SYTL2: variants seen among roughly 807,000 people sequenced by gnomAD.
The protein encoded by SYTL2 is synaptotagmin like 2.
In SYTL2, 165 loss-of-function variants were observed where a neutral mutation model predicts 198.7. The ratio of observed to expected loss-of-function variants is 0.83; its 90% CI spans 0.73 to 0.94. The LOEUF (loss-of-function observed/expected upper bound fraction) is 0.94, where lower values mean the gene tolerates loss of function less well. Ranked by LOEUF, SYTL2 falls within the 40% of genes least tolerant of loss-of-function variation. The pLI is 0.00. For synonymous variants in SYTL2, 966 were observed against 917.7 expected (o/e 1.05, Z -0.95); for missense variants, 2,835 against 2,582.8 (o/e 1.10, Z -2.12).
Position 85,706,462 on chromosome 11 carries a change from CA to C in SYTL2, c.6018+966del, listed in dbSNP as rs915844978. 2.0e-5 allele frequency among the ~76,000 whole-genome samples: 3 copies of C among 152,290 alleles called. No homozygotes were observed. The East Asian group carries it at 5.8e-4, about 29-fold the overall frequency. ...AAAGCAAGATTACTGAGGCAGCAGACAGCAGGAGAACTTAGGGGTTAAGCAC... is the reference window on the plus strand; with the variant it reads ...AAAGCAAGATTACTGAGGCAGCAGACGCAGGAGAACTTAGGGGTTAAGCAC... On this transcript the variant is annotated intron_variant, in intron 15 of 19. Coordinates refer to ENST00000359152, the MANE Select transcript of SYTL2 (RefSeq NM_206927.4).
rs1238460838 is a variant in SYTL2, at chr11:85,755,922, A to G, written c.101+1703T>C. Among the ~76,000 whole-genome samples the G allele has an allele frequency of 2.6e-5, 4 of 152,146 alleles. No homozygotes were observed. The East Asian group carries it at 7.7e-4, about 29-fold the overall frequency. ...TGCAGGGGCCCACATCCTGAGGTAG[A>G]AAGAGAGACTCAGTGCAGTCCCAGC... On this transcript the variant is annotated intron_variant, in intron 2 of 19. Coordinates refer to ENST00000359152, the MANE Select transcript of SYTL2 (RefSeq NM_206927.4).
intron 18 of SYTL2, among the ~76,000 whole-genome samples, chr11:85,697,320 G>A (rs752904509): frequency 4.6e-5 from 7 of 152,124 alleles, no homozygotes; most frequent in African/African-American, 1.4e-4. Context: ...AATTATAGGC[G>A]TGAGACACCT....
At chr11:85,827,394 C>T in the SYTL2 span, among the ~76,000 whole-genome samples, 1 of 152,198 alleles carries the variant, frequency 6.6e-6, no homozygotes, top group African/African-American at 2.4e-5. Flanking sequence ...CACCAGCTCA[C>T]CTCACTACCC....
upstream of SYTL2, among the ~76,000 whole-genome samples, chr11:85,811,849 C>T (rs1284709905): frequency 6.6e-6 from 1 of 152,104 alleles, no homozygotes; most frequent in African/African-American, 2.4e-5. Context: ...ACCTGTAATC[C>T]CAGCATTATG....
At chr11:85,714,278 T>A in intron 12 of SYTL2, 135 bp downstream of exon 12, 2 of 661,464 alleles carry the variant, frequency 3.0e-6, no homozygotes, top group South Asian at 3.8e-5. Flanking sequence ...ACTACTTCTA[T>A]TGACTTGAAA....
At chr11:85,811,984 G>A (rs1368546530), upstream of SYTL2, among the ~76,000 whole-genome samples, 1 of 152,168 alleles carries the variant, frequency 6.6e-6, no homozygotes, top group Non-Finnish European at 1.5e-5. Flanking sequence ...GCGAGCGCCC[G>A]TAGTCCCAAC....
At chr11:85,735,304 A>G (rs1361899189) in intron 6 of SYTL2, among the ~76,000 whole-genome samples, 1 of 152,184 alleles carries the variant, frequency 6.6e-6, no homozygotes, top group Admixed American at 6.5e-5. Flanking sequence ...TTTTACACCC[A>G]ATACAGAAAG....
chr11:85,761,568 C>G (rs2153560138), intron 1 of SYTL2, among the ~76,000 whole-genome samples: 1 of 152,282 alleles, frequency 6.6e-6, no homozygotes, highest in East Asian at 1.9e-4. Context: ...TTAAAGAAAG[C>G]CAGACAAAAA....
chr11:85,832,979 C>G, the SYTL2 span, among the ~76,000 whole-genome samples: 2 of 136,532 alleles, frequency 1.5e-5, no homozygotes, highest in Non-Finnish European at 3.1e-5. Flanking sequence ...CTGGCCAACA[C>G]AGGGAGACCC....
intron 19 of SYTL2, 35 bp downstream of exon 19, chr11:85,696,148 G>T: frequency 6.3e-7 from 1 of 1,584,328 alleles, no homozygotes; most frequent in Non-Finnish European, 8.7e-7. Context: ...AGAAAAATTT[G>T]GCTCATGGAG....
At chr11:85,747,124 A>G (rs1565974742) in intron 3 of SYTL2, among the ~76,000 whole-genome samples, 1 of 152,240 alleles carries the variant, frequency 6.6e-6, no homozygotes, top group Non-Finnish European at 1.5e-5. Context: ...ACCAGTAAGT[A>G]TTTAATGAAC....
At chr11:85,799,657 C>T (rs2092855299) in intron 1 of SYTL2, among the ~76,000 whole-genome samples, 1 of 152,284 alleles carries the variant, frequency 6.6e-6, no homozygotes, top group African/African-American at 2.4e-5. Flanking sequence ...GCCTTTTGAC[C>T]TTCTGATTCT....
At chr11:85,718,938 A>C in intron 9 of SYTL2, 95 bp from the exon 10 acceptor site, 3 of 1,557,682 alleles carry the variant, frequency 1.9e-6, no homozygotes, top group Non-Finnish European at 1.7e-6. Flanking sequence ...AGTTGGAAGC[A>C]ATTAGTCAAG....
At chr11:85,746,054 TC>T (rs758244479) in intron 3 of SYTL2, among the ~76,000 whole-genome samples, 1 of 152,158 alleles carries the variant, frequency 6.6e-6, no homozygotes, top group African/African-American at 2.4e-5. Flanking sequence ...TCTGACTGCC[TC>T]TAGGTTAATC....
the SYTL2 span, chr11:85,852,862 G>A: frequency 4.2e-6 from 1 of 235,750 alleles, no homozygotes; most frequent in Non-Finnish European, 8.5e-6. Flanking sequence ...GAGCCCCTCT[G>A]CCCGCCTGCC....
chr11:85,702,485 C>T (rs1260376810), intron 16 of SYTL2, among the ~76,000 whole-genome samples: 1 of 152,082 alleles, frequency 6.6e-6, no homozygotes, highest in African/African-American at 2.4e-5. Flanking sequence ...GCACCCAGCC[C>T]CAGAATCTGT....
intron 9 of SYTL2, 74 bp downstream of exon 9, chr11:85,720,784 G>C: frequency 9.8e-7 from 1 of 1,025,086 alleles, no homozygotes; most frequent in Non-Finnish European, 1.5e-6. Context: ...AGCACGCAGT[G>C]AGGCTACAGG....
chr11:85,736,068 G>A (rs1021205574), intron 6 of SYTL2, among the ~76,000 whole-genome samples: 4 of 152,186 alleles, frequency 2.6e-5, no homozygotes, highest in East Asian at 1.9e-4. Context: ...CTGATCAAAC[G>A]CTTTTGGGCG....
chr11:85,749,751 A>G (rs1166878852), intron 2 of SYTL2, among the ~76,000 whole-genome samples: 6 of 152,252 alleles, frequency 3.9e-5, no homozygotes, highest in Non-Finnish European at 8.8e-5. Flanking sequence ...TGTTTTCAGC[A>G]GAGCAAACAA....
Sources: gnomAD v4.1 joint callset for allele counts (sites outside exome capture counted in the v4.1 genomes callset) on GRCh38, gnomAD v4.1.1 for gene constraint, MANE v1.5 for transcripts, NCBI Gene and HGNC (gene_info 2026-07-23, HGNC 2026-07-21) for gene names.